The following OSBPL1A variants were observed in gnomAD, a reference collection of about 807,000 sequenced individuals.
The protein encoded by OSBPL1A is oxysterol binding protein like 1A.
In OSBPL1A, 80 loss-of-function variants were observed where a neutral mutation model predicts 137.1. The ratio of observed to expected loss-of-function variants is 0.58; its 90% CI spans 0.49 to 0.70. The LOEUF (loss-of-function observed/expected upper bound fraction) is 0.70, where lower values mean the gene tolerates loss of function less well. Among genes scored for constraint, OSBPL1A ranks in the 30% least tolerant of loss-of-function variants. The pLI, the probability that OSBPL1A is intolerant of heterozygous loss-of-function variation, is 0.00. For synonymous variants in OSBPL1A, 365 were observed against 389.7 expected, an observed-to-expected ratio of 0.94 and a Z score of 0.75; for missense variants, 970 against 1,129.4, an observed-to-expected ratio of 0.86 and a Z score of 2.02.
intron 4 of OSBPL1A, among the ~76,000 whole-genome samples, chr18:24,354,193 A>C (rs73943433): frequency 0.043 from 6,605 of 152,220 alleles, 481 homozygotes; most frequent in African/African-American, 0.15. Flanking sequence ...TGGAAGTGGT[A>C]AAGAACCACC....
intron 17 of OSBPL1A, among the ~76,000 whole-genome samples, chr18:24,197,220 G>A (rs867475079): frequency 5.3e-5 from 8 of 152,194 alleles, no homozygotes; most frequent in Middle Eastern, 3.4e-3. Context: ...GGTAGTGCAC[G>A]CCTGTAATCC....
At chr18:24,292,342 T>C (rs953016479) in intron 14 of OSBPL1A, among the ~76,000 whole-genome samples, 1 of 152,296 alleles carries the variant, frequency 6.6e-6, no homozygotes, top group Non-Finnish European at 1.5e-5. Flanking sequence ...ATGCAAAATA[T>C]GCCACAGTTC....
At chr18:24,255,309 T>C (rs2089237670) in intron 15 of OSBPL1A, among the ~76,000 whole-genome samples, 1 of 152,170 alleles carries the variant, frequency 6.6e-6, no homozygotes, top group South Asian at 2.1e-4. Context: ...CTCAAACTAT[T>C]CTACAAAATA....
chr18:24,199,060 T>C (rs2087131308), intron 17 of OSBPL1A, among the ~76,000 whole-genome samples: 1 of 151,996 alleles, frequency 6.6e-6, no homozygotes, highest in South Asian at 2.1e-4. Flanking sequence ...GGTTTCACCA[T>C]GTTGGCCAGG....
At chr18:24,320,307 T>A (rs71360546) in intron 7 of OSBPL1A, among the ~76,000 whole-genome samples, 1 of 151,994 alleles carries the variant, frequency 6.6e-6, no homozygotes, top group Non-Finnish European at 1.5e-5. Flanking sequence ...GATGATAAAT[T>A]AATTCTTAAA....
intron 3 of OSBPL1A, among the ~76,000 whole-genome samples, 162 bp from the exon 4 acceptor site, chr18:24,367,128 G>T (rs2091714162): frequency 6.6e-6 from 1 of 152,010 alleles, no homozygotes; most frequent in South Asian, 2.1e-4. Flanking sequence ...CCAGCACGGT[G>T]GTTTGAGCCC....
At chr18:24,318,381 T>C (rs866750316) in intron 9 of OSBPL1A, among the ~76,000 whole-genome samples, 34 of 151,854 alleles carry the variant, frequency 2.2e-4, no homozygotes, top group Admixed American at 5.9e-4. Context: ...GTAGTGGAGG[T>C]TGCAGTGAGT....
intron 4 of OSBPL1A, among the ~76,000 whole-genome samples, chr18:24,362,142 A>G (rs542541542): frequency 1.3e-5 from 2 of 152,256 alleles, no homozygotes; most frequent in South Asian, 4.1e-4. Flanking sequence ...GAATTTATGG[A>G]TATTACATTT....
intron 11 of OSBPL1A, 88 bp from the exon 12 acceptor site, chr18:24,314,435 C>A: frequency 1.2e-6 from 1 of 863,690 alleles, no homozygotes; most frequent in South Asian, 1.8e-5. Context: ...AAAGTAGTGA[C>A]ATGACTTAAC....
chr18:24,354,663 A>C (rs1300304247), intron 4 of OSBPL1A, among the ~76,000 whole-genome samples: 1 of 151,292 alleles, frequency 6.6e-6, no homozygotes, highest in Non-Finnish European at 1.5e-5. Flanking sequence ...GAGAAAAAGG[A>C]AAGAAAAAAG....
intron 14 of OSBPL1A, among the ~76,000 whole-genome samples, chr18:24,283,281 A>AAATATAT (rs1246058393): frequency 5.9e-4 from 46 of 78,360 alleles, no homozygotes; most frequent in African/African-American, 2.1e-3. Flanking sequence ...AAAAAAAAAA[A>AAATATAT]ATATATATAT....
At chr18:24,252,775 TAGAC>T (rs930225064) in intron 15 of OSBPL1A, among the ~76,000 whole-genome samples, 46 of 152,004 alleles carry the variant, frequency 3.0e-4, no homozygotes, top group Non-Finnish European at 5.6e-4. Context: ...TTTCAAGACA[TAGAC>T]AGTATAAGAC....
At chr18:24,336,337 C>T (rs1402860584) in intron 5 of OSBPL1A, among the ~76,000 whole-genome samples, 1 of 152,138 alleles carries the variant, frequency 6.6e-6, no homozygotes, top group Non-Finnish European at 1.5e-5. Flanking sequence ...GGAAAAGGGT[C>T]AGGAATATGG....
intron 17 of OSBPL1A, among the ~76,000 whole-genome samples, chr18:24,201,593 T>A (rs2087222027): frequency 6.6e-6 from 1 of 152,052 alleles, no homozygotes; most frequent in East Asian, 1.9e-4. Context: ...TGAAACCCCG[T>A]CTCTACTAAA....
In OSBPL1A at chr18:24,293,082, CG is replaced by C. The variant is rs2090207685; in HGVS notation, c.1174+10554del. 3.3e-5 allele frequency among the ~76,000 whole-genome samples: 4 copies of C among 122,256 alleles called. No individual in the cohort carries two copies. In the South Asian group the frequency reaches 1.1e-3, roughly 32 times the overall value. 80.2% of individuals were successfully genotyped at this position (122,256 alleles called of 152,430 possible). A position where few individuals can be genotyped will look rare whatever the true frequency, so the allele number is the denominator to read the frequency against. On this transcript the variant is annotated intron_variant, in intron 14 of 27. Coordinates refer to ENST00000319481, the MANE Select transcript of OSBPL1A (RefSeq NM_080597.4). The stretch of plus-strand genomic sequence containing the variant: ...ATCGCACCACTGCCTCTAGCCCAGG[CG>C]ACAGAGAGGGACTCCCGTCTCAAAA...
chr18:24,274,007 G>A (rs1384625592), intron 15 of OSBPL1A, among the ~76,000 whole-genome samples: 1 of 152,142 alleles, frequency 6.6e-6, no homozygotes, highest in Admixed American at 6.5e-5. Context: ...GCCGAGGCAG[G>A]CAGATCACTT....
chr18:24,285,075 C>T (rs767220967), intron 14 of OSBPL1A, among the ~76,000 whole-genome samples: 1 of 152,100 alleles, frequency 6.6e-6, no homozygotes, highest in Non-Finnish European at 1.5e-5. Flanking sequence ...ACAACAACGA[C>T]GACAAAATAT....
Position 24,271,722 on chromosome 18 carries a change from TCGAGCCGAGG to T in OSBPL1A, c.1281+9110_1281+9119del. 2 of 985,240 alleles carry T rather than the reference TCGAGCCGAGG, an allele frequency of 2.0e-6. No homozygotes were observed. Among genetic ancestry groups the T allele is most frequent in the Non-Finnish European group, 2.4e-6 (2 of 829,960 alleles). 61.0% of individuals were successfully genotyped at this position (985,240 alleles called of 1,614,324 possible). ...GCCTGCTCCTCCTCCTCCCCTCCAG[TCGAGCCGAGG>T]CGAGCCGATCCGGGAGGCGCGACCC... On this transcript the variant is annotated intron_variant, in intron 15 of 27. Coordinates refer to ENST00000319481, the MANE Select transcript of OSBPL1A (RefSeq NM_080597.4). The surrounding 1 kb of genome is among the most constrained non-coding windows in gnomAD (Gnocchi z 4.0).
At chr18:24,255,943 C>T (rs1372903451) in intron 15 of OSBPL1A, among the ~76,000 whole-genome samples, 6 of 151,784 alleles carry the variant, frequency 4.0e-5, no homozygotes, top group East Asian at 1.9e-4. Flanking sequence ...TACAGGCGTG[C>T]GCCACCACAC....
Sources: allele counts gnomAD v4.1 joint callset (sites outside exome capture counted in the v4.1 genomes callset), GRCh38; gene constraint gnomAD v4.1.1; non-coding constraint Gnocchi (gnomAD v3.1); transcripts MANE v1.5; gene names NCBI Gene and HGNC (gene_info 2026-07-23, HGNC 2026-07-21).